The following ZNF117 variants were observed in gnomAD, a reference collection of about 807,000 sequenced individuals.
ZNF117 encodes the protein Krueppel-related zinc finger protein.
Under a neutral mutation model 41.2 loss-of-function variants are expected in ZNF117, and 37 were observed. The observed-to-expected ratio is 0.90, with a 90% CI of 0.69 to 1.18. ZNF117 has a LOEUF of 1.18. Among genes scored for constraint, ZNF117 ranks in the 50% most tolerant of loss-of-function variants. The probability of loss-of-function intolerance (pLI) is 0.00; values close to 1 mark genes in which losing one functional copy is unlikely to be tolerated. For missense variants in ZNF117, 546 were observed against 557.5 expected, an observed-to-expected ratio of 0.98 and a Z score of 0.21; for synonymous variants, 186 against 186.6, an observed-to-expected ratio of 1.00 and a Z score of 0.02.
intron 1 of ZNF117, among the ~76,000 whole-genome samples, chr7:64,989,723 A>C (rs1786220948): frequency 6.6e-6 from 1 of 151,402 alleles, no homozygotes; most frequent in Non-Finnish European, 1.5e-5. Flanking sequence ...CTTCTGACAA[A>C]GGTCTAAAAT....
rs887693470 is a variant in ZNF117 at position 64,977,717 on chromosome 7, A to G, written c.*402T>C. ...TTACGTATAGGTTGAAAGCTTTGCC[A>G]CATTCTTCACATTTATATGGTTTCT... On this transcript the variant is annotated 3_prime_UTR_variant, in exon 3 of 3. Transcript: ENST00000620222. The G allele has an allele frequency of 1.1e-5, 10 of 878,716 alleles. No homozygotes were observed. The African/African-American group carries it at 1.6e-4, about 14-fold the overall frequency. The allele number at this position is 878,716 out of a possible 1,614,324, so 54.4% of individuals were successfully genotyped here. A position where few individuals can be genotyped will look rare whatever the true frequency, so the allele number is the denominator to read the frequency against.
At chr7:64,976,452 A>AC (rs1215717145) in exon 3 of ZNF117, 2 of 162,886 alleles carry the variant, frequency 1.2e-5, no homozygotes, top group Non-Finnish European at 2.6e-5. Context: ...AAAAAAAAAA[A>AC]AAAACTTTCA....
At chr7:64,971,967 T>A (rs1785791526), downstream of ZNF117, 1 of 151,710 alleles carries the variant, frequency 6.6e-6, no homozygotes, top group African/African-American at 2.4e-5. Flanking sequence ...AACAGAAACA[T>A]ATAAACAACT....
chr7:64,989,426 A>C (rs537772155), intron 1 of ZNF117, among the ~76,000 whole-genome samples: 1 of 136,098 alleles, frequency 7.3e-6, no homozygotes, highest in African/African-American at 2.7e-5. Context: ...TTAAAGACTT[A>C]AATGTAGAAC....
At chr7:64,981,950 T>C in intron 1 of ZNF117, 34 bp downstream of exon 2, 1 of 523,568 alleles carries the variant, frequency 1.9e-6, no homozygotes, top group South Asian at 2.9e-5. Flanking sequence ...ATTAAAACCT[T>C]TAGGGTATAT....
At chr7:64,979,008 G>A in exon 3 of ZNF117, 1 of 1,613,324 alleles carries the variant, frequency 6.2e-7, no homozygotes, top group Non-Finnish European at 8.5e-7. Flanking sequence ...TTTCTCTTCA[G>A]TATGAATTCT....
intron 2 of ZNF117, chr7:64,980,753 GAACT>G (rs1249754217): frequency 1.3e-5 from 2 of 151,994 alleles, no homozygotes; most frequent in East Asian, 3.9e-4. Context: ...GGCCAGAAGG[GAACT>G]AACTGTGTGA....
chr7:64,977,250 AT>A (rs1248460624), exon 3 of ZNF117: 5 of 412,840 alleles, frequency 1.2e-5, no homozygotes, highest in Non-Finnish European at 9.6e-6. Flanking sequence ...TCCTGTATGA[AT>A]TTTTTTATGG....
downstream of ZNF117, chr7:64,971,914 G>C (rs1397871209): frequency 1.3e-5 from 2 of 152,010 alleles, no homozygotes; most frequent in Non-Finnish European, 2.9e-5. Context: ...TGAAAAAAAT[G>C]GGAGAAAATA....
intron 2 of ZNF117, chr7:64,980,556 T>A (rs933606863): frequency 6.6e-6 from 1 of 150,446 alleles, no homozygotes; most frequent in East Asian, 1.9e-4. Flanking sequence ...GAAAAACTGA[T>A]GTAAAAATTA....
At chr7:64,981,316 T>G in intron 2 of ZNF117, 71 bp downstream of exon 3, 5 of 1,582,926 alleles carry the variant, frequency 3.2e-6, no homozygotes, top group Non-Finnish European at 4.3e-6. Context: ...CCAAATCACA[T>G]TTTAAGCTGT....
At chr7:64,978,156 T>C in exon 3 of ZNF117, 2 of 1,610,300 alleles carry the variant, frequency 1.2e-6, no homozygotes, top group Non-Finnish European at 1.7e-6. Context: ...ACATTTGTAC[T>C]GTTTCTCTTC....
chr7:64,989,492 TATATATAA>T (rs1443981436), intron 1 of ZNF117, among the ~76,000 whole-genome samples: 7 of 89,174 alleles, frequency 7.8e-5, no homozygotes, highest in African/African-American at 3.1e-4. Context: ...TATATATATA[TATATATAA>T]AACCTGAAAA....
At chr7:64,989,443 TTATATATATATA>T (rs58009024) in intron 1 of ZNF117, among the ~76,000 whole-genome samples, 896 of 49,348 alleles carry the variant, frequency 0.018, 33 homozygotes, top group Middle Eastern at 0.054. Context: ...GAACTTAAAA[TTATATATATATA>T]TATATATATA....
At chr7:64,975,539 A>C (rs374835589) in exon 3 of ZNF117, 2 of 151,642 alleles carry the variant, frequency 1.3e-5, no homozygotes, top group Admixed American at 6.6e-5. Flanking sequence ...AGAATGTCTC[A>C]TATCTTTGAT....
exon 3 of ZNF117, chr7:64,976,786 T>C: frequency 2.7e-6 from 1 of 373,968 alleles, no homozygotes; most frequent in Non-Finnish European, 5.3e-6. Context: ...GAAGGTGTTG[T>C]CAAAATCATT....
exon 3 of ZNF117, chr7:64,979,212 A>G: frequency 1.2e-6 from 2 of 1,609,744 alleles, no homozygotes; most frequent in Non-Finnish European, 1.7e-6. Context: ...GTGTGAAAGC[A>G]TGCAAAATGT....
At chr7:64,978,371 T>C (rs199749052) in exon 3 of ZNF117, 1 of 1,613,420 alleles carries the variant, frequency 6.2e-7, no homozygotes, top group African/African-American at 1.3e-5. Context: ...GTTTTGAGGA[T>C]AGGTGGAAAA....
At chr7:64,983,528 G>A (rs1268638066), upstream of ZNF117, among the ~76,000 whole-genome samples, 1 of 152,134 alleles carries the variant, frequency 6.6e-6, no homozygotes, top group Non-Finnish European at 1.5e-5. Flanking sequence ...CTAAATGCAT[G>A]GCATTCCAGG....
Sources: allele counts gnomAD v4.1 joint callset (sites outside exome capture counted in the v4.1 genomes callset), GRCh38; gene constraint gnomAD v4.1.1; transcripts MANE v1.5; gene names NCBI Gene and HGNC (gene_info 2026-07-23, HGNC 2026-07-21).